The following FBXO32 variants were observed in gnomAD, a reference collection of about 807,000 sequenced individuals.
FBXO32 encodes the protein F-box only protein 32.
FBXO32 carries 15 observed loss-of-function variants against 48.3 expected under a neutral mutation model. The ratio of observed to expected loss-of-function variants is 0.31; its 90% CI spans 0.21 to 0.48. The LOEUF is 0.48. Among genes scored for constraint, FBXO32 ranks in the 20% least tolerant of loss-of-function variants. The pLI, the probability that FBXO32 is intolerant of heterozygous loss-of-function variation, is 0.99. For missense variants in FBXO32, 309 were observed against 432.7 expected (o/e 0.71, Z 2.54); for synonymous variants, 154 against 165.9 (o/e 0.93, Z 0.55).
At chr8:123,528,263 C>T (rs1009244664) in intron 4 of FBXO32, among the ~76,000 whole-genome samples, 5 of 152,138 alleles carry the variant, frequency 3.3e-5, no homozygotes, top group African/African-American at 1.2e-4. Context: ...GGGTGATGGT[C>T]TCCGAAACCT....
intron 1 of FBXO32, among the ~76,000 whole-genome samples, chr8:123,539,131 G>T (rs914503197): frequency 6.6e-6 from 1 of 152,004 alleles, no homozygotes; most frequent in East Asian, 1.9e-4. Flanking sequence ...TCAGCCTCCC[G>T]AGTAGGGTAA....
chr8:123,513,064 C>A lies in FBXO32; in HGVS notation c.651+134G>T. 1 of 1,002,366 alleles carries A rather than the reference C, an allele frequency of 1.0e-6. No homozygotes were observed. Among genetic ancestry groups the A allele is most frequent in the Non-Finnish European group, 1.4e-6 (1 of 691,744 alleles). 62.1% of individuals were successfully genotyped at this position (1,002,366 alleles called of 1,614,324 possible). On this transcript the variant is annotated intron_variant, in intron 6 of 8. Transcript: ENST00000517956. This position sits in a 1 kb window ranked among gnomAD's most constrained non-coding sequence, Gnocchi z 4.3. Reference sequence around the variant, plus strand: ...AGGAGGTCCCCCAGCCCACCCTCAGCACCAGAACAAAGCAGCAGATCAGAA... The same window carrying A: ...AGGAGGTCCCCCAGCCCACCCTCAGAACCAGAACAAAGCAGCAGATCAGAA...
Position 123,527,965 on chromosome 8 carries a change from G to C in FBXO32, c.372+3933C>G, listed in dbSNP as rs186657131. Among the ~76,000 whole-genome samples the C allele has an allele frequency of 1.6e-3, 248 of 152,304 alleles. 1 individual carries two copies. Among genetic ancestry groups the C allele is most frequent in the African/African-American group, 5.6e-3 (232 of 41,564 alleles). On this transcript the variant is annotated intron_variant, in intron 4 of 8. Coordinates refer to ENST00000517956, the MANE Select transcript of FBXO32 (RefSeq NM_058229.4). ...GTACACGCCCCAGAAGTCGTATCTA[G>C]AGTTTAATGTCTCAGTGCACTTTGT...
intron 4 of FBXO32, among the ~76,000 whole-genome samples, chr8:123,522,472 G>C (rs1010247766): frequency 6.6e-6 from 1 of 152,098 alleles, no homozygotes; most frequent in Non-Finnish European, 1.5e-5. Context: ...GCCTCCCAAA[G>C]TATTGGGATT....
chr8:123,515,635 T>C (rs1401279264), intron 4 of FBXO32, among the ~76,000 whole-genome samples: 1 of 152,168 alleles, frequency 6.6e-6, no homozygotes, highest in Non-Finnish European at 1.5e-5. Context: ...CTGAAGTTAG[T>C]GCGTACTTAG....
rs1817390703 is a variant in FBXO32 at position 123,540,538 on chromosome 8, A to G, written c.116+361T>C. Reference sequence around the variant, plus strand: ...ACCCGCCCGCGCCCCCACATGGGCAAAGTGCGCGACTCCGGTGTCCTTAAA... The same window carrying G: ...ACCCGCCCGCGCCCCCACATGGGCAGAGTGCGCGACTCCGGTGTCCTTAAA... On this transcript the variant is annotated intron_variant, in intron 1 of 8. Coordinates refer to ENST00000517956, the MANE Select transcript of FBXO32 (RefSeq NM_058229.4). The surrounding 1 kb of genome is among the most constrained non-coding windows in gnomAD (Gnocchi z 6.4). Among the ~76,000 whole-genome samples, 1 of 152,198 alleles carries G rather than the reference A, an allele frequency of 6.6e-6. No individual in the cohort carries two copies. Among genetic ancestry groups the G allele is most frequent in the Non-Finnish European group, 1.5e-5 (1 of 68,024 alleles).
chr8:123,505,538 C>A (rs551305161), intron 7 of FBXO32, among the ~76,000 whole-genome samples: 37 of 152,204 alleles, frequency 2.4e-4, no homozygotes, highest in African/African-American at 8.2e-4. Flanking sequence ...GAGTTCAAGA[C>A]CAGCCTGGCC....
chr8:123,522,205 CTTT>C lies in FBXO32; in HGVS notation c.373-7875_373-7873del, dbSNP rs138504281. Among the ~76,000 whole-genome samples the C allele has an allele frequency of 8.6e-3, 988 of 115,266 alleles. 14 individuals carry two copies. The highest frequency in any genetic ancestry group is 0.031 in the African/African-American group (932 of 30,354). The allele number at this position is 115,266 out of a possible 152,430, so 75.6% of individuals were successfully genotyped here. ...CTTCATCTTTTACCCATCCTGGTTA[CTTT>C]TTTTTTTTTTTTTTTTTTTGAGATG... On this transcript the variant is annotated intron_variant, in intron 4 of 8. Coordinates refer to ENST00000517956, the MANE Select transcript of FBXO32 (RefSeq NM_058229.4).
chr8:123,537,587 T>C (rs2130563660), intron 1 of FBXO32, among the ~76,000 whole-genome samples: 1 of 152,282 alleles, frequency 6.6e-6, no homozygotes, highest in Admixed American at 6.5e-5. Context: ...AGAGGTTTAA[T>C]TGTAGTTATA....
chr8:123,501,948 A>G lies in FBXO32; in HGVS notation c.*1425T>C, dbSNP rs1406968897. The G allele has an allele frequency of 1.3e-5, 2 of 152,216 alleles. No individual in the cohort carries two copies. Among genetic ancestry groups the G allele is most frequent in the Non-Finnish European group, 2.9e-5 (2 of 68,026 alleles). The allele number at this position is 152,216 out of a possible 1,614,324, so 9.4% of individuals were successfully genotyped here. Reference sequence around the variant, plus strand: ...GGGAGTAGATCCCCCATCTATTCCCAGGAATATTTTACAACGAACTCATTA... The same window carrying G: ...GGGAGTAGATCCCCCATCTATTCCCGGGAATATTTTACAACGAACTCATTA... On this transcript the variant is annotated 3_prime_UTR_variant, in exon 9 of 9. Coordinates refer to ENST00000517956, the MANE Select transcript of FBXO32 (RefSeq NM_058229.4).
chr8:123,523,070 T>C (rs895459897), intron 4 of FBXO32, among the ~76,000 whole-genome samples: 1 of 152,166 alleles, frequency 6.6e-6, no homozygotes, highest in African/African-American at 2.4e-5. Context: ...TGCCATCAAT[T>C]ACCGCTCCTT....
intron 4 of FBXO32, among the ~76,000 whole-genome samples, chr8:123,515,848 C>G (rs1022462274): frequency 1.3e-5 from 2 of 151,944 alleles, no homozygotes; most frequent in Non-Finnish European, 2.9e-5. Flanking sequence ...AAAAATTAGC[C>G]GGGCATGGTG....
chr8:123,521,417 A>G (rs1816952939), intron 4 of FBXO32, among the ~76,000 whole-genome samples: 1 of 152,222 alleles, frequency 6.6e-6, no homozygotes, highest in African/African-American at 2.4e-5. Context: ...GGTCAGGCTG[A>G]TATCTATATG....
intron 4 of FBXO32, among the ~76,000 whole-genome samples, chr8:123,519,753 G>A (rs745627140): frequency 1.7e-4 from 26 of 151,908 alleles, no homozygotes; most frequent in Admixed American, 3.9e-4. Context: ...GTGATGTATG[G>A]AACTAGTAGT....
rs1302564657 is a variant in FBXO32, at chr8:123,500,529, G to A, written c.*2844C>T. On this transcript the variant is annotated 3_prime_UTR_variant, in exon 9 of 9. Coordinates refer to ENST00000517956, the MANE Select transcript of FBXO32 (RefSeq NM_058229.4). ...TTTTGTTTGATAGGTCAGGTTGTCTGGGATGGTTTGCCAATAGAAATTCTA... is the reference window on the plus strand; with the variant it reads ...TTTTGTTTGATAGGTCAGGTTGTCTAGGATGGTTTGCCAATAGAAATTCTA... The A allele has an allele frequency of 3.3e-5, 5 of 152,182 alleles. No individual in the cohort carries two copies. The highest frequency in any genetic ancestry group is 1.2e-4 in the African/African-American group (5 of 41,428). 9.4% of individuals were successfully genotyped at this position (152,182 alleles called of 1,614,324 possible).
In FBXO32 at chr8:123,513,613, T is replaced by A. The variant is rs1405518156; in HGVS notation, c.467-231A>T. 6.6e-6 allele frequency among the ~76,000 whole-genome samples: 1 copy of A among 152,122 alleles called. No individual in the cohort carries two copies. Among genetic ancestry groups the A allele is most frequent in the Non-Finnish European group, 1.5e-5 (1 of 68,024 alleles). Reference sequence around the variant, plus strand: ...CCCTCTTTGTTCTCTTCTCTCTCATTTTCTATAAAGCCTCTTTCTCTTTTC... The same window carrying A: ...CCCTCTTTGTTCTCTTCTCTCTCATATTCTATAAAGCCTCTTTCTCTTTTC... On this transcript the variant is annotated intron_variant, in intron 5 of 8. Transcript: ENST00000517956. The surrounding 1 kb of genome is among the most constrained non-coding windows in gnomAD (Gnocchi z 4.3).
At chr8:123,503,835 T>C (rs1309978819) in intron 8 of FBXO32, among the ~76,000 whole-genome samples, 5 of 152,208 alleles carry the variant, frequency 3.3e-5, no homozygotes, top group African/African-American at 1.2e-4. Context: ...CCCAGCACTT[T>C]GGGAGGCCAA....
At chr8:123,507,480 T>TAC (rs1816653535) in intron 6 of FBXO32, among the ~76,000 whole-genome samples, 6 of 146,144 alleles carry the variant, frequency 4.1e-5, no homozygotes, top group African/African-American at 1.5e-4. Flanking sequence ...TGTGTGTGTG[T>TAC]ACGTGCACAT....
rs1255564099 is a variant in FBXO32 at position 123,525,037 on chromosome 8, T to A, written c.372+6861A>T. 6.6e-6 allele frequency among the ~76,000 whole-genome samples: 1 copy of A among 152,226 alleles called. No individual in the cohort carries two copies. Among genetic ancestry groups the A allele is most frequent in the Non-Finnish European group, 1.5e-5 (1 of 68,046 alleles). ...GAAGGGGCCAGGATGCTGATGCACA[T>A]CAAGGCCCAGCAGGGGCTTGGCAAC... On this transcript the variant is annotated intron_variant, in intron 4 of 8. Transcript: ENST00000517956. This position sits in a 1 kb window ranked among gnomAD's most constrained non-coding sequence, Gnocchi z 4.3.
Sources: gnomAD v4.1 joint callset for allele counts (sites outside exome capture counted in the v4.1 genomes callset) on GRCh38, gnomAD v4.1.1 for gene constraint, Gnocchi (gnomAD v3.1) non-coding constraint, MANE v1.5 for transcripts, NCBI Gene and HGNC (gene_info 2026-07-23, HGNC 2026-07-21) for gene names.